JAZF1: variants seen among roughly 807,000 people sequenced by gnomAD.
JAZF1 encodes the protein JAZF zinc finger 1.
JAZF1 carries 8 observed loss-of-function variants against 26.4 expected under a neutral mutation model. The observed-to-expected ratio is 0.30, with a 90% CI of 0.18 to 0.55. The LOEUF (loss-of-function observed/expected upper bound fraction) is 0.55. Among genes scored for constraint, JAZF1 ranks in the 20% least tolerant of loss-of-function variants. JAZF1 has a pLI of 0.94. For synonymous variants in JAZF1, 126 were observed against 122.3 expected (o/e 1.03, Z -0.20); for missense variants, 199 against 322.0 (o/e 0.62, Z 2.92).
chr7:28,121,520 T>C (rs1396668012), intron 1 of JAZF1, among the ~76,000 whole-genome samples: 1 of 152,216 alleles, frequency 6.6e-6, no homozygotes, highest in African/African-American at 2.4e-5. Context: ...TGATTTCCTC[T>C]CCACTATTCG....
At position 28,180,443 on chromosome 7, in the gene JAZF1, C is replaced by A. The variant is rs1427494215; in HGVS notation, c.115+20G>T. On this transcript the variant is annotated intron_variant, in intron 1 of 4. Coordinates refer to ENST00000283928, the MANE Select transcript of JAZF1 (RefSeq NM_175061.4). ...AGTTTCCGCGCGCCTGGCACCCCCG[C>A]CCACCCCCGGGCCATTTACCGATGT... The A allele has an allele frequency of 3.8e-6, 6 of 1,599,136 alleles. No individual in the cohort carries two copies. The highest frequency in any genetic ancestry group is 4.3e-6 in the Non-Finnish European group (5 of 1,169,416).
intron 2 of JAZF1, among the ~76,000 whole-genome samples, chr7:27,963,556 A>AT (rs1395139363): frequency 8.0e-6 from 1 of 125,580 alleles, no homozygotes; most frequent in Non-Finnish European, 1.6e-5. Flanking sequence ...AATGTTTGCA[A>AT]TTCCCCCCCC....
At chr7:28,015,369 G>A (rs1782873317) in intron 1 of JAZF1, among the ~76,000 whole-genome samples, 1 of 151,992 alleles carries the variant, frequency 6.6e-6, no homozygotes, top group South Asian at 2.1e-4. Context: ...AAGAATAGCT[G>A]ACAATGCATC....
At chr7:27,900,281 A>C (rs895336263) in intron 2 of JAZF1, among the ~76,000 whole-genome samples, 4 of 152,242 alleles carry the variant, frequency 2.6e-5, no homozygotes, top group African/African-American at 9.6e-5. Flanking sequence ...GTTATTAAAA[A>C]CTAAATGACG....
rs186965773 is a variant in JAZF1 at position 27,962,323 on chromosome 7, T to C, written c.188+29586A>G. Among the ~76,000 whole-genome samples the C allele has an allele frequency of 1.1e-3, 170 of 152,276 alleles. 1 individual carries two copies. Among genetic ancestry groups the C allele is most frequent in the African/African-American group, 3.7e-3 (154 of 41,554 alleles). ...AAAAGGGTAAAAGTGATCATAGTAA[T>C]ATTCAGGAAATTACCCTGACAACCA... On this transcript the variant is annotated intron_variant, in intron 2 of 4. Transcript: ENST00000283928.
At chr7:27,846,410 T>TATATACGTATACATGTA (rs1331828022) in intron 3 of JAZF1, 21 of 460,196 alleles carry the variant, frequency 4.6e-5, no homozygotes, top group Non-Finnish European at 8.1e-5. Flanking sequence ...TATACATGTA[T>TATATACGTATACATGTA]ATATATACAT....
intron 2 of JAZF1, among the ~76,000 whole-genome samples, chr7:27,980,645 C>T (rs1172919029): frequency 1.3e-5 from 2 of 151,994 alleles, no homozygotes; most frequent in Admixed American, 6.5e-5. Context: ...GCAGAAAAGT[C>T]GTCATTCTTT....
chr7:28,142,975 T>C (rs1782979994), intron 1 of JAZF1, among the ~76,000 whole-genome samples: 1 of 152,204 alleles, frequency 6.6e-6, no homozygotes, highest in South Asian at 2.1e-4. Flanking sequence ...AAGAGCATTG[T>C]ACTGGGAGTC....
At chr7:27,880,799 G>A (rs1237810731) in intron 3 of JAZF1, among the ~76,000 whole-genome samples, 1 of 152,138 alleles carries the variant, frequency 6.6e-6, no homozygotes, top group Non-Finnish European at 1.5e-5. Flanking sequence ...TGAGTAGCTA[G>A]GACCACAGGC....
chr7:28,066,526 C>G (rs1783885284), intron 1 of JAZF1, among the ~76,000 whole-genome samples: 1 of 149,960 alleles, frequency 6.7e-6, no homozygotes, highest in Non-Finnish European at 1.5e-5. Flanking sequence ...TTGCTTGAAT[C>G]CAGGAGGCAG....
Position 27,863,773 on chromosome 7 carries a change from T to C in JAZF1, c.386-22906A>G, listed in dbSNP as rs367802600. On this transcript the variant is annotated intron_variant, in intron 3 of 4. Transcript: ENST00000283928. ...CTTGTGACTACGCGATGTGGTTCCT[T>C]GGGGAACAGAAATCCAAGTACAAGG... The C allele has an allele frequency of 1.1e-4, 17 of 152,298 alleles. No individual in the cohort carries two copies. In the East Asian group the frequency reaches 2.5e-3, roughly 22 times the overall value. The allele number at this position is 152,298 out of a possible 1,614,324, so 9.4% of individuals were successfully genotyped here.
At chr7:27,932,411 T>C (rs1005204229) in intron 2 of JAZF1, among the ~76,000 whole-genome samples, 4 of 152,198 alleles carry the variant, frequency 2.6e-5, no homozygotes, top group African/African-American at 7.2e-5. Context: ...TGTAATACTT[T>C]ATGAGGACTG....
At chr7:28,079,711 A>C (rs1784105886) in intron 1 of JAZF1, among the ~76,000 whole-genome samples, 2 of 152,248 alleles carry the variant, frequency 1.3e-5, no homozygotes, top group Admixed American at 6.5e-5. Flanking sequence ...GAAACATTTA[A>C]TTGTACTCAC....
intron 2 of JAZF1, among the ~76,000 whole-genome samples, chr7:27,920,687 G>A (rs1784513629): frequency 6.6e-6 from 1 of 152,172 alleles, no homozygotes; most frequent in African/African-American, 2.4e-5. Context: ...ATCTGCCTCA[G>A]TAGCCCAGCA....
chr7:28,125,203 T>G (rs939421877), intron 1 of JAZF1, among the ~76,000 whole-genome samples: 6 of 151,672 alleles, frequency 4.0e-5, no homozygotes, highest in Non-Finnish European at 2.9e-5. Context: ...AAAATATTAT[T>G]TAAGACCCAA....
At chr7:27,858,008 G>A (rs573891595) in intron 3 of JAZF1, among the ~76,000 whole-genome samples, 9 of 152,120 alleles carry the variant, frequency 5.9e-5, no homozygotes, top group African/African-American at 1.7e-4. Flanking sequence ...CCAATGTCTC[G>A]GCCCAAAATC....
chr7:28,039,022 T>C (rs1218185491), intron 1 of JAZF1, among the ~76,000 whole-genome samples: 1 of 152,196 alleles, frequency 6.6e-6, no homozygotes, highest in Admixed American at 6.5e-5. Flanking sequence ...TAGACCTGCA[T>C]ACTAAAATAT....
At chr7:27,982,618 G>C (rs1260829349) in intron 2 of JAZF1, among the ~76,000 whole-genome samples, 1 of 152,162 alleles carries the variant, frequency 6.6e-6, no homozygotes, top group Non-Finnish European at 1.5e-5. Context: ...CTCCCGGCAC[G>C]GAGTTTGAAA....
chr7:27,992,160 A>G (rs757639582), intron 1 of JAZF1, 179 bp from the exon 2 acceptor site: 6 of 672,368 alleles, frequency 8.9e-6, no homozygotes, highest in African/African-American at 8.9e-5. Flanking sequence ...ATAACAAGAT[A>G]TTGCATTACT....
Sources: allele counts gnomAD v4.1 joint callset (sites outside exome capture counted in the v4.1 genomes callset), GRCh38; gene constraint gnomAD v4.1.1; transcripts MANE v1.5; gene names NCBI Gene and HGNC (gene_info 2026-07-23, HGNC 2026-07-21).